Variants in PCDHGA5 observed in about 807,000 individuals in gnomAD.
The protein encoded by PCDHGA5 is protocadherin gamma subfamily A, 5.
Under a neutral mutation model 56.7 loss-of-function variants are expected in PCDHGA5, and 36 were observed. The observed-to-expected ratio is 0.64, with a 90% confidence interval of 0.49 to 0.84. PCDHGA5 has a LOEUF of 0.84. Ranked by LOEUF, PCDHGA5 falls within the 40% of genes least tolerant of loss-of-function variation. The probability of loss-of-function intolerance (pLI) is 0.00; values close to 1 mark genes in which losing one functional copy is unlikely to be tolerated. For missense variants in PCDHGA5, 1,305 were observed against 1,201.5 expected, an observed-to-expected ratio of 1.09 and a Z score of -1.27; for synonymous variants, 563 against 520.2, an observed-to-expected ratio of 1.08 and a Z score of -1.12.
Position 141,490,483 on chromosome 5 carries a change from G to A in PCDHGA5, c.2422-4324G>A. On this transcript the variant is annotated intron_variant, in intron 1 of 3. Transcript: ENST00000518069. The surrounding 1 kb of genome is among the most constrained non-coding windows in gnomAD (Gnocchi z 5.4). ...GCTAACCAGCCAGCCTTTGGACCGG[G>A]AGGCCACATCCCACTATATCATCGA... 2.5e-6 allele frequency: 4 copies of A among 1,614,198 alleles called. No individual in the cohort carries two copies. Among genetic ancestry groups the A allele is most frequent in the Non-Finnish European group, 3.4e-6 (4 of 1,180,046 alleles).
intron 1 of PCDHGA5, chr5:141,389,352 A>G (rs758141313): frequency 7.4e-6 from 12 of 1,613,628 alleles, no homozygotes; most frequent in Admixed American, 1.7e-5. Flanking sequence ...TTACTGCATC[A>G]TGGCCAGTGA....
intron 1 of PCDHGA5, 189 bp downstream of exon 1, chr5:141,366,940 C>A: frequency 1.2e-6 from 1 of 819,898 alleles, no homozygotes; most frequent in Non-Finnish European, 1.8e-6. Context: ...GGAAGTCTAG[C>A]TGATATCTGT....
chr5:141,486,707 C>A lies in PCDHGA5; in HGVS notation c.2422-8100C>A, dbSNP rs1314530265. On this transcript the variant is annotated intron_variant, in intron 1 of 3. Coordinates refer to ENST00000518069, the MANE Select transcript of PCDHGA5 (RefSeq NM_018918.3). The surrounding 1 kb of genome is among the most constrained non-coding windows in gnomAD (Gnocchi z 5.0). ...AGCTTCCTCTTTCATCTCTCTGAAC[C>A]CCCAGACAGGAGCTGTTCATGCTAC... 2 of 1,614,040 alleles carry A rather than the reference C, an allele frequency of 1.2e-6. No individual in the cohort carries two copies. The highest frequency in any genetic ancestry group is 1.7e-6 in the Non-Finnish European group (2 of 1,180,038).
intron 1 of PCDHGA5, chr5:141,392,967 C>A (rs1442170331): frequency 1.2e-6 from 2 of 1,613,766 alleles, no homozygotes; most frequent in African/African-American, 2.7e-5. Context: ...CTCCAAGGAC[C>A]TGGGGCTGGA....
At chr5:141,463,438 CTTTTTTTTTTTTT>C (rs71576115) in intron 1 of PCDHGA5, among the ~76,000 whole-genome samples, 4 of 103,254 alleles carry the variant, frequency 3.9e-5, no homozygotes, top group South Asian at 3.2e-4. Flanking sequence ...TTTCCTTCTC[CTTTTTTTTTTTTT>C]TTTTTTTTTT....
intron 1 of PCDHGA5, chr5:141,395,106 A>G: frequency 3.1e-6 from 5 of 1,614,150 alleles, no homozygotes; most frequent in Admixed American, 3.3e-5. Flanking sequence ...CGACTCGCGG[A>G]AGAGTCACCT....
rs370237298 is a variant in PCDHGA5 at position 141,487,298 on chromosome 5, G to A, written c.2422-7509G>A. ...TTGCTTTGTCTCCTTTGGCTCATTCGTGGCACTACTCTCTAAGTGTCTTCG... is the reference window on the plus strand; with the variant it reads ...TTGCTTTGTCTCCTTTGGCTCATTCATGGCACTACTCTCTAAGTGTCTTCG... On this transcript the variant is annotated intron_variant, in intron 1 of 3. Coordinates refer to ENST00000518069, the MANE Select transcript of PCDHGA5 (RefSeq NM_018918.3). The surrounding 1 kb of genome is among the most constrained non-coding windows in gnomAD (Gnocchi z 5.0). The A allele has an allele frequency of 3.2e-5, 51 of 1,614,072 alleles. 1 individual carries two copies. Among genetic ancestry groups the A allele is most frequent in the South Asian group, 5.5e-5 (5 of 91,082 alleles).
At chr5:141,467,596 C>G (rs2099147035) in intron 1 of PCDHGA5, among the ~76,000 whole-genome samples, 1 of 152,202 alleles carries the variant, frequency 6.6e-6, no homozygotes, top group South Asian at 2.1e-4. Context: ...ATTTATTAAG[C>G]ACTTCATCTT....
chr5:141,375,920 G>C, intron 1 of PCDHGA5: 1 of 1,613,748 alleles, frequency 6.2e-7, no homozygotes, highest in Non-Finnish European at 8.5e-7. Flanking sequence ...CAAGGCCAGC[G>C]AGCCAGGACT....
At chr5:141,405,022 C>T in intron 1 of PCDHGA5, 6 of 1,613,976 alleles carry the variant, frequency 3.7e-6, no homozygotes, top group Non-Finnish European at 5.1e-6. Context: ...CAGACCTTAC[C>T]CTCTACCTCG....
intron 1 of PCDHGA5, chr5:141,402,863 A>C: frequency 1.2e-5 from 17 of 1,429,924 alleles, no homozygotes; most frequent in Non-Finnish European, 1.6e-5. Flanking sequence ...TCTAAGGAAA[A>C]GATCACCATA....
chr5:141,389,249 T>A, intron 1 of PCDHGA5: 1 of 1,614,064 alleles, frequency 6.2e-7, no homozygotes, highest in Non-Finnish European at 8.5e-7. Flanking sequence ...AGTCTTCCTA[T>A]ATAGTCCACG....
chr5:141,400,789 C>G (rs1415192979), intron 1 of PCDHGA5: 1 of 561,844 alleles, frequency 1.8e-6, no homozygotes, highest in Non-Finnish European at 3.1e-6. Context: ...TTTTTGTCCT[C>G]TTTCTCAAAG....
Position 141,365,887 on chromosome 5 carries a change from C to T in PCDHGA5, c.1557C>T (p.Ser519=). Reference sequence around the variant, plus strand: ...CCGGTGTCCTGTATGCTCTGAGATCCTTCGACTATGAGCAGTTGAGAGACC... The same window carrying T: ...CCGGTGTCCTGTATGCTCTGAGATCTTTCGACTATGAGCAGTTGAGAGACC... ...SDTGVLYALR[S]FDYEQLRDLQ... is the part of the protein sequence containing the mutation. The change falls in exon 1 of 4, where the codon TCC becomes TCT. Residue 519 remains serine (S), a synonymous_variant. Transcript: ENST00000518069. 1 of 1,614,160 alleles carries T rather than the reference C, an allele frequency of 6.2e-7. No homozygotes were observed. The highest frequency in any genetic ancestry group is 1.6e-4 in the Middle Eastern group (1 of 6,062).
chr5:141,371,113 C>A lies in PCDHGA5; in HGVS notation c.2421+4362C>A. The A allele has an allele frequency of 6.2e-7, 1 of 1,613,950 alleles. No homozygotes were observed. Among genetic ancestry groups the A allele is most frequent in the Non-Finnish European group, 8.5e-7 (1 of 1,179,846 alleles). ...GTCGCAGATGCAAATGATAACCCCC[C>A]AGTATTTACTCAGGACATGTACAGG... On this transcript the variant is annotated intron_variant, in intron 1 of 3. Coordinates refer to ENST00000518069, the MANE Select transcript of PCDHGA5 (RefSeq NM_018918.3).
rs911465424 is a variant in PCDHGA5 at position 141,449,724 on chromosome 5, AT to A, written c.2422-45076del. ...AAACACATTATTTTTATATGATATG[AT>A]TTTTTTATGACATGATTATTTTTAT... On this transcript the variant is annotated intron_variant, in intron 1 of 3. Coordinates refer to ENST00000518069, the MANE Select transcript of PCDHGA5 (RefSeq NM_018918.3). 1.2e-4 allele frequency among the ~76,000 whole-genome samples: 18 copies of A among 151,282 alleles called. No homozygotes were observed. The South Asian group carries it at 1.9e-3, about 16-fold the overall frequency.
Position 141,405,226 on chromosome 5 carries a change from C to A in PCDHGA5, c.2421+38475C>A, listed in dbSNP as rs756970325. ...TACAGACCTATTCTCAGGAGTTCTCCCTCACCGCTGACTCAAGGAAGAGTC... is the reference window on the plus strand; with the variant it reads ...TACAGACCTATTCTCAGGAGTTCTCACTCACCGCTGACTCAAGGAAGAGTC... On this transcript the variant is annotated intron_variant, in intron 1 of 3. Coordinates refer to ENST00000518069, the MANE Select transcript of PCDHGA5 (RefSeq NM_018918.3). 3.1e-6 allele frequency: 5 copies of A among 1,614,052 alleles called. No individual in the cohort carries two copies. The East Asian group carries it at 1.1e-4, about 36-fold the overall frequency.
Position 141,418,052 on chromosome 5 carries a change from G to A in PCDHGA5, c.2421+51301G>A, listed in dbSNP as rs202112422. 1.2e-3 allele frequency: 1,918 copies of A among 1,613,866 alleles called. 6 individuals are homozygous for A. Among genetic ancestry groups the A allele is most frequent in the East Asian group, 2.1e-3 (96 of 44,758 alleles). On this transcript the variant is annotated intron_variant, in intron 1 of 3. Coordinates refer to ENST00000518069, the MANE Select transcript of PCDHGA5 (RefSeq NM_018918.3). ...TAGTGTCCTGGATGTGTCGGCTCGC[G>A]AGCTGCGAGTGAGCGCGGAGAAGCT...
chr5:141,378,758 C>T (rs969501970), intron 1 of PCDHGA5: 1 of 152,162 alleles, frequency 6.6e-6, no homozygotes, highest in Admixed American at 6.5e-5. Flanking sequence ...AAGGGATTAT[C>T]ATTTAGAAGA....
Sources: allele counts gnomAD v4.1 joint callset (sites outside exome capture counted in the v4.1 genomes callset), GRCh38; gene constraint gnomAD v4.1.1; non-coding constraint Gnocchi (gnomAD v3.1); transcripts MANE v1.5; gene names NCBI Gene and HGNC (gene_info 2026-07-23, HGNC 2026-07-21).